The following ACTA2 variants were observed in gnomAD, a reference collection of about 807,000 sequenced individuals.
The protein encoded by ACTA2 is actin, aortic smooth muscle.
ACTA2 carries 12 observed loss-of-function variants against 39.5 expected under a neutral mutation model. The ratio of observed to expected loss-of-function variants is 0.30; its 90% confidence interval spans 0.19 to 0.49. The LOEUF is 0.49. Among genes scored for constraint, ACTA2 ranks in the 20% least tolerant of loss-of-function variants. The probability of loss-of-function intolerance (pLI) is 0.99; values close to 1 mark genes in which losing one functional copy is unlikely to be tolerated. For missense variants in ACTA2, 236 were observed against 498.8 expected, an observed-to-expected ratio of 0.47 and a Z score of 5.02; for synonymous variants, 158 against 180.6, an observed-to-expected ratio of 0.88 and a Z score of 1.00.
In ACTA2 at chr10:88,991,095, C is replaced by G. The variant is rs534025984; in HGVS notation, c.-180G>C. On this transcript the variant is annotated 5_prime_UTR_variant, in exon 1 of 5. Coordinates refer to the ACTA2 transcript ENST00000415557. ...GGCTGTTAGGACCTTCCCTCAGGCC[C>G]GGGTGCTCAGAACGCTGGAGGACTT... 4.1e-4 allele frequency: 285 copies of G among 699,626 alleles called. No individual in the cohort carries two copies. In the African/African-American group the frequency reaches 4.6e-3, roughly 11 times the overall value. The allele number at this position is 699,626 out of a possible 1,614,324, so 43.3% of individuals were successfully genotyped here. A position where few individuals can be genotyped will look rare whatever the true frequency, so the allele number is the denominator to read the frequency against.
intron 1 of ACTA2, among the ~76,000 whole-genome samples, chr10:88,951,539 G>C (rs2133280154): frequency 6.6e-6 from 1 of 152,212 alleles, no homozygotes; most frequent in South Asian, 2.1e-4. Context: ...TAGGAAGAAT[G>C]TTATAATGTC....
chr10:88,975,824 C>T (rs1055455105), intron 1 of ACTA2, among the ~76,000 whole-genome samples: 4 of 152,162 alleles, frequency 2.6e-5, no homozygotes, highest in African/African-American at 7.2e-5. Context: ...TGAATCTGTC[C>T]TCTATGCTTA....
In ACTA2 at chr10:88,941,246, T is replaced by C; in HGVS notation, c.599A>G (p.Tyr200Cys). Reference protein sequence around the residue: ...YLMKILTERGYSFVTTAEREI... With the variant: ...YLMKILTERGCSFVTTAEREI... ...GGCCTCACCAGTAGTAACGAAGGAA[T>C]AGCCACGCTCAGTCAGGATCTTCAT... is the stretch of plus-strand genomic sequence containing the variant. The change falls in exon 6 of 9, where the codon TAT (tyrosine) becomes TGT (cysteine). Residue 200 changes from tyrosine to cysteine, a missense_variant. Coordinates refer to ENST00000224784, the MANE Select transcript of ACTA2 (RefSeq NM_001613.4). 6.2e-7 allele frequency: 1 copy of C among 1,613,930 alleles called. No homozygotes were observed. The highest frequency in any genetic ancestry group is 8.5e-7 in the Non-Finnish European group (1 of 1,179,896).
At chr10:88,935,694 A>T (rs1415737547) in intron 8 of ACTA2, 1 of 343,170 alleles carries the variant, frequency 2.9e-6, no homozygotes, top group Non-Finnish European at 5.7e-6. Flanking sequence ...TCTGATTTCC[A>T]TGAACTCTGC....
rs75490634 is a variant in ACTA2, at chr10:88,973,339, G to A, written c.-24+17600C>T. ...GAGAGACAAGAAGTGGAATGGAGAA[G>A]GTGATTAGGTAATCCAAGAATTGCC... On this transcript the variant is annotated intron_variant, in intron 1 of 4. Transcript: ENST00000415557. The A allele has an allele frequency of 3.4e-4, 513 of 1,506,084 alleles. 5 individuals carry two copies. The African/African-American group carries it at 6.5e-3, about 19-fold the overall frequency. The allele number at this position is 1,506,084 out of a possible 1,614,324, so 93.3% of individuals were successfully genotyped here.
intron 7 of ACTA2, chr10:88,939,274 C>T (rs1460870860): frequency 1.7e-6 from 1 of 578,910 alleles, no homozygotes; most frequent in Non-Finnish European, 3.1e-6. Flanking sequence ...CATCATACAC[C>T]ATGAATGCTT....
At chr10:88,964,817 G>T (rs1199769845) in intron 1 of ACTA2, among the ~76,000 whole-genome samples, 1 of 152,104 alleles carries the variant, frequency 6.6e-6, no homozygotes, top group East Asian at 1.9e-4. Flanking sequence ...TATTATGAAA[G>T]CATGGTCATT....
At chr10:88,988,728 A>T (rs1045799809) in intron 1 of ACTA2, among the ~76,000 whole-genome samples, 2 of 152,236 alleles carry the variant, frequency 1.3e-5, no homozygotes, top group African/African-American at 4.8e-5. Context: ...GAACACCAGC[A>T]TTCATTAGGT....
chr10:88,983,788 A>G (rs1846787228), intron 1 of ACTA2, among the ~76,000 whole-genome samples: 2 of 152,220 alleles, frequency 1.3e-5, no homozygotes, highest in African/African-American at 4.8e-5. Flanking sequence ...ATAAGTTTGA[A>G]GAAATTTCAG....
chr10:88,979,526 A>C (rs1376945638), intron 1 of ACTA2, among the ~76,000 whole-genome samples: 1 of 152,184 alleles, frequency 6.6e-6, no homozygotes, highest in Non-Finnish European at 1.5e-5. Flanking sequence ...CAATAACCCT[A>C]ATGAAGTATG....
intron 1 of ACTA2, among the ~76,000 whole-genome samples, chr10:88,977,159 G>T (rs4522080): frequency 0.53 from 78,773 of 149,168 alleles, 22,195 homozygotes; most frequent in Non-Finnish European, 0.65. Flanking sequence ...CAGAAGCTCT[G>T]TAGTTTAATT....
At chr10:88,985,517 A>T (rs1319631101) in intron 1 of ACTA2, among the ~76,000 whole-genome samples, 1 of 152,008 alleles carries the variant, frequency 6.6e-6, no homozygotes, top group Non-Finnish European at 1.5e-5. Flanking sequence ...CTCCTCCAAC[A>T]TCCCATTCCA....
chr10:88,979,218 G>C (rs185147816), intron 1 of ACTA2, among the ~76,000 whole-genome samples: 1 of 152,096 alleles, frequency 6.6e-6, no homozygotes, highest in African/African-American at 2.4e-5. Context: ...GGGATCTGGG[G>C]AGGAGAGATA....
At position 88,976,569 on chromosome 10, in the gene ACTA2, T is replaced by A. The variant is rs192520848; in HGVS notation, c.-24+14370A>T. Among the ~76,000 whole-genome samples the A allele has an allele frequency of 9.8e-5, 15 of 152,344 alleles. No individual in the cohort carries two copies. The East Asian group carries it at 2.9e-3, about 29-fold the overall frequency. The stretch of plus-strand genomic sequence containing the variant: ...TTGTAGTTCTATAGCAAAAACCCAC[T>A]TCCTTTCCACTAAATTGAAAATGAC... On this transcript the variant is annotated intron_variant, in intron 1 of 4. Transcript: ENST00000415557.
chr10:88,967,289 A>G (rs936176867), intron 1 of ACTA2, among the ~76,000 whole-genome samples: 1 of 152,186 alleles, frequency 6.6e-6, no homozygotes, highest in Admixed American at 6.5e-5. Flanking sequence ...AAAAGGCATC[A>G]TCAGGTAGGG....
At chr10:88,948,577 G>T in intron 2 of ACTA2, 1 of 530,716 alleles carries the variant, frequency 1.9e-6, no homozygotes, top group Non-Finnish European at 3.4e-6. Flanking sequence ...AGACAAAAAG[G>T]ACATGAAAAA....
At chr10:88,954,056 A>T (rs1023710184), upstream of ACTA2, among the ~76,000 whole-genome samples, 1 of 152,178 alleles carries the variant, frequency 6.6e-6, no homozygotes, top group Non-Finnish European at 1.5e-5. Flanking sequence ...AGCTTCAGTG[A>T]TTTTATATTT....
chr10:88,936,225 C>A (rs1465074567), intron 8 of ACTA2, among the ~76,000 whole-genome samples: 2 of 152,160 alleles, frequency 1.3e-5, no homozygotes, highest in African/African-American at 4.8e-5. Flanking sequence ...GTAACTGGCC[C>A]AGGTAACACC....
At chr10:88,958,147 T>C (rs991635631) in intron 1 of ACTA2, among the ~76,000 whole-genome samples, 1 of 152,198 alleles carries the variant, frequency 6.6e-6, no homozygotes, top group East Asian at 1.9e-4. Context: ...ACTCACTATA[T>C]TGTTCTATAA....
Sources: gnomAD v4.1 joint callset for allele counts (sites outside exome capture counted in the v4.1 genomes callset) on GRCh38, gnomAD v4.1.1 for gene constraint, MANE v1.5 for transcripts, NCBI Gene and HGNC (gene_info 2026-07-23, HGNC 2026-07-21) for gene names.